The following MMP26 variants were observed in gnomAD, a reference collection of about 807,000 sequenced individuals.
MMP26 encodes the protein matrix metallopeptidase 26, also known as matrix metalloproteinase-26.
In MMP26, 33 loss-of-function variants were observed where a neutral mutation model predicts 31.0. The ratio of observed to expected loss-of-function variants is 1.06; its 90% CI spans 0.81 to 1.42. The LOEUF is 1.42. MMP26 is among the 40% of genes most tolerant of loss of function. MMP26 has a pLI of 0.00. For missense variants in MMP26, 347 were observed against 316.1 expected (o/e 1.10, Z -0.74); for synonymous variants, 122 against 114.9 (o/e 1.06, Z -0.40).
At chr11:4,806,229 C>T (rs1849267604) in intron 2 of MMP26, among the ~76,000 whole-genome samples, 1 of 151,644 alleles carries the variant, frequency 6.6e-6, no homozygotes, top group Non-Finnish European at 1.5e-5. Context: ...CTGTAGATGT[C>T]TGTTAGGTCC....
intron 2 of MMP26, among the ~76,000 whole-genome samples, chr11:4,983,191 G>A (rs1178833868): frequency 6.6e-6 from 1 of 152,182 alleles, no homozygotes; most frequent in East Asian, 1.9e-4. Flanking sequence ...ATCACTAAAT[G>A]ACTGTGTGGT....
intron 1 of MMP26, chr11:4,753,077 T>G (rs1373695736): frequency 6.6e-6 from 1 of 152,120 alleles, no homozygotes; most frequent in African/African-American, 2.4e-5. Flanking sequence ...TTGAGTAAAG[T>G]GCATAAAACT....
In MMP26 at chr11:4,933,491, A is replaced by AT. The variant is rs767301279; in HGVS notation, c.-144-54566dup. On this transcript the variant is annotated intron_variant, in intron 2 of 7. Coordinates refer to ENST00000380390, the MANE Select transcript of MMP26 (RefSeq NM_021801.5). The stretch of plus-strand genomic sequence containing the variant: ...ATGATTAAGAAAGACAGAAAGATTG[A>AT]TTTTTTTTTTTAACCATTACCCTGT... 1.3e-3 allele frequency among the ~76,000 whole-genome samples: 186 copies of AT among 138,814 alleles called. 1 individual carries two copies. In the East Asian group the frequency reaches 0.023, roughly 17 times the overall value. The allele number at this position is 138,814 out of a possible 152,430, so 91.1% of individuals were successfully genotyped here.
rs972648611 is a variant in MMP26, at chr11:4,929,806, C to T, written c.-144-58262C>T. 3.3e-5 allele frequency among the ~76,000 whole-genome samples: 5 copies of T among 152,058 alleles called. No individual in the cohort carries two copies. The East Asian group carries it at 5.8e-4, about 18-fold the overall frequency. ...GCAAAGTATAGTTTTTGAGCATTTT[C>T]TCTGTCAAGTTTTATTCTGTAAAAC... On this transcript the variant is annotated intron_variant, in intron 2 of 7. Coordinates refer to ENST00000380390, the MANE Select transcript of MMP26 (RefSeq NM_021801.5).
chr11:4,894,148 T>C (rs918047162), intron 2 of MMP26, among the ~76,000 whole-genome samples: 5 of 151,962 alleles, frequency 3.3e-5, no homozygotes, highest in Non-Finnish European at 7.4e-5. Context: ...TAGAGTGGGT[T>C]AAAAGAGAAA....
chr11:4,871,630 A>G (rs74054613), intron 2 of MMP26: 6,628 of 152,298 alleles, frequency 0.044, 156 homozygotes, highest in African/African-American at 0.058. Context: ...TCAAGTCTCC[A>G]TAGAATCACT....
At chr11:4,882,855 T>C (rs1850498236) in intron 2 of MMP26, 2 of 1,613,520 alleles carry the variant, frequency 1.2e-6, no homozygotes, top group Non-Finnish European at 1.7e-6. Context: ...GGTTTTAATG[T>C]GAGGGGTCTT....
intron 2 of MMP26, chr11:4,832,962 G>C (rs1301146854): frequency 6.3e-6 from 1 of 159,500 alleles, no homozygotes; most frequent in Non-Finnish European, 1.4e-5. Flanking sequence ...GATTCTGATA[G>C]CAGATGCATT....
intron 2 of MMP26, chr11:4,822,067 A>C (rs377283160): frequency 6.2e-7 from 1 of 1,613,880 alleles, no homozygotes; most frequent in Non-Finnish European, 8.5e-7. Context: ...CTGCCCTTGC[A>C]TCCTGCTCTC....
intron 2 of MMP26, chr11:4,849,187 T>A (rs1849936638): frequency 1.2e-6 from 2 of 1,611,416 alleles, no homozygotes; most frequent in Non-Finnish European, 1.7e-6. Context: ...TTGGGGGCTA[T>A]CTGAGTTGGT....
chr11:4,723,254 T>G (rs1482196485), intron 1 of MMP26: 2 of 1,192,492 alleles, frequency 1.7e-6, no homozygotes, highest in African/African-American at 3.0e-5. Flanking sequence ...GATGTTCCAG[T>G]TCATCTTGCA....
intron 1 of MMP26, chr11:4,709,478 A>C: frequency 2.8e-6 from 1 of 357,162 alleles, no homozygotes; most frequent in Non-Finnish European, 5.5e-6. Flanking sequence ...CACAAATTGT[A>C]TGGTGTATAG....
intron 2 of MMP26, among the ~76,000 whole-genome samples, chr11:4,976,370 A>T (rs1846735908): frequency 6.6e-6 from 1 of 152,060 alleles, no homozygotes; most frequent in Admixed American, 6.6e-5. Context: ...AACCTTGAGT[A>T]TATGTTGACA....
chr11:4,727,338 A>G (rs1313016914), intron 1 of MMP26, among the ~76,000 whole-genome samples: 1 of 152,208 alleles, frequency 6.6e-6, no homozygotes, highest in Admixed American at 6.5e-5. Flanking sequence ...CTCACTGGAC[A>G]TCACATGGTC....
intron 2 of MMP26, among the ~76,000 whole-genome samples, chr11:4,981,823 CTTT>C (rs966816405): frequency 1.3e-5 from 2 of 149,982 alleles, no homozygotes. Flanking sequence ...AAGTTTTTTT[CTTT>C]TTTTTCTTTT....
chr11:4,819,975 G>A (rs192595831), intron 2 of MMP26, among the ~76,000 whole-genome samples: 7 of 152,108 alleles, frequency 4.6e-5, no homozygotes, highest in Admixed American at 1.3e-4. Context: ...AGGAACTATC[G>A]ATATTAAGAC....
intron 2 of MMP26, among the ~76,000 whole-genome samples, chr11:4,812,460 C>T (rs1849362953): frequency 6.6e-6 from 1 of 151,998 alleles, no homozygotes; most frequent in Non-Finnish European, 1.5e-5. Flanking sequence ...GTGGCCTGTA[C>T]TTTTTCTGAA....
chr11:4,869,643 T>G (rs1302836056), intron 2 of MMP26, among the ~76,000 whole-genome samples: 1 of 152,180 alleles, frequency 6.6e-6, no homozygotes, highest in Non-Finnish European at 1.5e-5. Flanking sequence ...GTTCAACCAC[T>G]GTGGAAGACA....
chr11:4,905,098 T>C (rs191025941), intron 2 of MMP26, among the ~76,000 whole-genome samples: 1 of 152,150 alleles, frequency 6.6e-6, no homozygotes, highest in Admixed American at 6.6e-5. Flanking sequence ...AAGAGTTAAG[T>C]GCATTCAGAG....
Sources: allele counts gnomAD v4.1 joint callset (sites outside exome capture counted in the v4.1 genomes callset), GRCh38; gene constraint gnomAD v4.1.1; transcripts MANE v1.5; gene names NCBI Gene and HGNC (gene_info 2026-07-23, HGNC 2026-07-21).